RNF214: variants seen among roughly 807,000 people sequenced by gnomAD.
The protein encoded by RNF214 is ring finger protein 214.
Under a neutral mutation model 75.9 loss-of-function variants are expected in RNF214, and 25 were observed. The ratio of observed to expected loss-of-function variants is 0.33; its 90% CI spans 0.24 to 0.46. The LOEUF is 0.46. Among genes scored for constraint, RNF214 ranks in the 20% least tolerant of loss-of-function variants. RNF214 has a pLI of 1.00. For synonymous variants in RNF214, 314 were observed against 308.8 expected (o/e 1.02, Z -0.18); for missense variants, 725 against 857.5 (o/e 0.85, Z 1.93).
chr11:117,246,734 A>T, intron 5 of RNF214, 75 bp from the exon 6 acceptor site: 1 of 1,387,764 alleles, frequency 7.2e-7, no homozygotes, highest in Non-Finnish European at 9.6e-7. Flanking sequence ...TGATAGTTGA[A>T]AATAACCTTT....
intron 9 of RNF214, 30 bp downstream of exon 9, chr11:117,281,434 C>A: frequency 1.3e-6 from 2 of 1,543,276 alleles, no homozygotes; most frequent in South Asian, 2.2e-5. Context: ...ATCATTCAGT[C>A]AGTGTTAGTC....
intron 7 of RNF214, 65 bp downstream of exon 7, chr11:117,280,069 G>T: frequency 6.6e-7 from 1 of 1,511,744 alleles, no homozygotes; most frequent in Admixed American, 1.8e-5. Flanking sequence ...TCTACTTTTG[G>T]CATTGTAATA....
chr11:117,269,157 C>T (rs555753085), intron 6 of RNF214, among the ~76,000 whole-genome samples: 26 of 152,146 alleles, frequency 1.7e-4, no homozygotes, highest in African/African-American at 6.0e-4. Flanking sequence ...GTAATCCCAG[C>T]AGCTGGGAGT....
At chr11:117,272,964 A>T (rs994488260) in intron 6 of RNF214, among the ~76,000 whole-genome samples, 1 of 152,288 alleles carries the variant, frequency 6.6e-6, no homozygotes. Context: ...ACTGAGAAAA[A>T]ATTTAATATT....
Position 117,239,770 on chromosome 11 carries a change from C to T in RNF214, c.619-31C>T, listed in dbSNP as rs746258469. The T allele has an allele frequency of 2.1e-5, 26 of 1,250,232 alleles. No individual in the cohort carries two copies. The East Asian group carries it at 2.1e-4, about 10-fold the overall frequency. The allele number at this position is 1,250,232 out of a possible 1,614,324, so 77.4% of individuals were successfully genotyped here. The stretch of plus-strand genomic sequence containing the variant: ...CTGCCTCTTTTAAAGTGTCTCTGAA[C>T]GATTCTAAATATAACTTTTTTCCTT... On this transcript the variant is annotated intron_variant, in intron 3 of 14. Transcript: ENST00000300650.
chr11:117,265,435 CAG>C (rs1239156251), intron 6 of RNF214, among the ~76,000 whole-genome samples: 96 of 151,814 alleles, frequency 6.3e-4, no homozygotes, highest in Non-Finnish European at 7.8e-4. Context: ...TTTTTTGAGA[CAG>C]AGTTTCATTC....
At chr11:117,260,457 T>C (rs1327740120) in intron 6 of RNF214, among the ~76,000 whole-genome samples, 1 of 152,220 alleles carries the variant, frequency 6.6e-6, no homozygotes, top group Non-Finnish European at 1.5e-5. Flanking sequence ...CTTGTATGAA[T>C]AGTAGGTGTA....
chr11:117,247,114 A>T (rs2134368978), intron 6 of RNF214, among the ~76,000 whole-genome samples, 166 bp downstream of exon 6: 1 of 152,374 alleles, frequency 6.6e-6, no homozygotes, highest in Middle Eastern at 3.4e-3. Context: ...ATCAAACATT[A>T]GACTTAATAG....
intron 4 of RNF214, among the ~76,000 whole-genome samples, chr11:117,243,178 G>A (rs559711980): frequency 3.3e-5 from 5 of 151,748 alleles, no homozygotes; most frequent in South Asian, 2.1e-4. Context: ...ACGGAGTCTC[G>A]CTCTGTCACC....
In RNF214 at chr11:117,279,990, G is replaced by C; in HGVS notation, c.1042G>C (p.Ala348Pro). 6.2e-7 allele frequency: 1 copy of C among 1,612,574 alleles called. No individual in the cohort carries two copies. Among genetic ancestry groups the C allele is most frequent in the Non-Finnish European group, 8.5e-7 (1 of 1,179,176 alleles). ...GAACATTATGGAAGAGACTGAACGG[G>C]CCTGGAAGGCAGAGGTGAGAAGAGG... is the stretch of plus-strand genomic sequence containing the variant. ...NRNIMEETERAWKAEILSLES... is the reference protein window; with the variant it reads ...NRNIMEETERPWKAEILSLES... The change falls in exon 7 of 15, where the codon GCC becomes CCC. Residue 348 changes from alanine (A) to proline (P), a missense_variant. By Grantham distance (27) the Ala-to-Pro change is conservative. This residue lies in a region of RNF214 where 363 missense variants were observed against 513.0 expected (regional missense o/e 0.71). Transcript: ENST00000300650.
intron 4 of RNF214, among the ~76,000 whole-genome samples, chr11:117,241,431 T>TTAGCTGGGTGTGGTGGCGCATGCC: frequency 6.6e-6 from 1 of 151,918 alleles, no homozygotes; most frequent in Admixed American, 6.6e-5. Context: ...AATACAAAAA[T>TTAGCTGGGTGTGGTGGCGCATGCC]TAGCTGGGTG....
chr11:117,234,199 G>T, intron 1 of RNF214, 68 bp from the exon 2 acceptor site: 2 of 1,141,278 alleles, frequency 1.8e-6, no homozygotes, highest in Non-Finnish European at 2.7e-6. Flanking sequence ...GACATTCTGA[G>T]GGGGGAGAGA....
intron 11 of RNF214, 57 bp from the exon 12 acceptor site, chr11:117,282,347 G>A (rs1176061713): frequency 6.3e-7 from 1 of 1,599,254 alleles, no homozygotes; most frequent in African/African-American, 1.3e-5. Context: ...AGGTTACATG[G>A]GTGTTCCCCG....
In RNF214 at chr11:117,286,341, G is replaced by C. The variant is rs1267710079; in HGVS notation, c.*1190G>C. 1 of 152,138 alleles carries C rather than the reference G, an allele frequency of 6.6e-6. No homozygotes were observed. Among genetic ancestry groups the C allele is most frequent in the Non-Finnish European group, 1.5e-5 (1 of 68,020 alleles). 9.4% of individuals were successfully genotyped at this position (152,138 alleles called of 1,614,324 possible). On this transcript the variant is annotated 3_prime_UTR_variant, in exon 15 of 15. Coordinates refer to ENST00000300650, the MANE Select transcript of RNF214 (RefSeq NM_207343.4). Reference sequence around the variant, plus strand: ...CTTCTTAATTTTAGGTTTTATACCTGGGAAAGCTGTGACTCTATTAGAGCT... The same window carrying C: ...CTTCTTAATTTTAGGTTTTATACCTCGGAAAGCTGTGACTCTATTAGAGCT...
intron 3 of RNF214, 56 bp from the exon 4 acceptor site, chr11:117,239,745 C>A: frequency 5.3e-6 from 5 of 934,612 alleles, no homozygotes; most frequent in Non-Finnish European, 7.0e-6. Flanking sequence ...GTTAGTGATT[C>A]TGCCTCTTTT....
intron 6 of RNF214, among the ~76,000 whole-genome samples, chr11:117,278,358 A>G (rs1318975072): frequency 2.0e-5 from 3 of 152,186 alleles, no homozygotes; most frequent in African/African-American, 7.2e-5. Flanking sequence ...TTTTATTTTT[A>G]CTTTTCTAAA....
intron 6 of RNF214, among the ~76,000 whole-genome samples, chr11:117,278,800 A>G (rs2034067863): frequency 6.6e-6 from 1 of 152,202 alleles, no homozygotes; most frequent in African/African-American, 2.4e-5. Flanking sequence ...AAGGATGAAT[A>G]TTAAGTAGGC....
At chr11:117,265,201 G>A (rs2033769624) in intron 6 of RNF214, among the ~76,000 whole-genome samples, 1 of 151,802 alleles carries the variant, frequency 6.6e-6, no homozygotes, top group African/African-American at 2.4e-5. Flanking sequence ...TATGTAAATT[G>A]AAAATTAATT....
Position 117,285,206 on chromosome 11 carries a change from G to A in RNF214, c.*55G>A. On this transcript the variant is annotated 3_prime_UTR_variant, in exon 15 of 15. Coordinates refer to ENST00000300650, the MANE Select transcript of RNF214 (RefSeq NM_207343.4). ...AAACTGATGTGAACAGGAAGCGCGG[G>A]TTCAAGATTTCTAAAACTCTATATT... 1 of 1,225,380 alleles carries A rather than the reference G, an allele frequency of 8.2e-7. No individual in the cohort carries two copies. The allele number at this position is 1,225,380 out of a possible 1,614,324, so 75.9% of individuals were successfully genotyped here.
Sources: allele counts gnomAD v4.1 joint callset (sites outside exome capture counted in the v4.1 genomes callset), GRCh38; gene constraint gnomAD v4.1.1; regional missense constraint gnomAD v4.1.1; transcripts MANE v1.5; gene names NCBI Gene and HGNC (gene_info 2026-07-23, HGNC 2026-07-21).